Variants in HINFP observed in about 807,000 individuals in gnomAD.
HINFP encodes MBD2 (methyl-CpG-binding protein)-interacting zinc finger protein.
In HINFP, 20 loss-of-function variants were observed where a neutral mutation model predicts 50.1. The ratio of observed to expected loss-of-function variants is 0.40; its 90% confidence interval spans 0.28 to 0.58. HINFP has a LOEUF of 0.58. HINFP is among the 20% of genes least tolerant of loss of function. HINFP has a pLI of 0.45. For synonymous variants in HINFP, 247 were observed against 243.7 expected, an observed-to-expected ratio of 1.01 and a Z score of -0.13; for missense variants, 505 against 664.1, an observed-to-expected ratio of 0.76 and a Z score of 2.63.
At chr11:119,132,168 T>G (rs963897743) in intron 5 of HINFP, 186 bp downstream of exon 5, 1 of 653,348 alleles carries the variant, frequency 1.5e-6, no homozygotes, top group African/African-American at 1.8e-5. Context: ...CAGTACTTAC[T>G]GTACCTCGTA....
intron 6 of HINFP, 38 bp downstream of exon 6, chr11:119,132,611 C>T: frequency 2.5e-6 from 4 of 1,614,098 alleles, no homozygotes; most frequent in Non-Finnish European, 3.4e-6. Flanking sequence ...CTCCTGCCCT[C>T]CAAGGTTCCA....
At chr11:119,133,303 G>T in intron 9 of HINFP, 84 bp downstream of exon 9, 4 of 1,545,058 alleles carry the variant, frequency 2.6e-6, no homozygotes, top group Non-Finnish European at 3.5e-6. Flanking sequence ...AATTTGGGTC[G>T]GGCGCGGTGG....
At position 119,131,912 on chromosome 11, in the gene HINFP, C is replaced by A. The variant is rs1947782607; in HGVS notation, c.606C>A (p.Pro202=). The A allele has an allele frequency of 1.2e-6, 2 of 1,614,208 alleles. No individual in the cohort carries two copies. Among genetic ancestry groups the A allele is most frequent in the African/African-American group, 1.3e-5 (1 of 75,052 alleles). The change falls in exon 5 of 10, where the codon CCC becomes CCA. Residue 202 remains proline (P), a synonymous_variant. Coordinates refer to ENST00000350777, the MANE Select transcript of HINFP (RefSeq NM_198971.3). The surrounding 1 kb of genome is among the most constrained non-coding windows in gnomAD (Gnocchi z 4.2). ...CCCAGGAGAAAGTGGTAGCCTGCCC[C>A]ACCTGTGGGGGCATGTTTGCCAACA... ...SHTQEKVVAC[P]TCGGMFANNT... is the part of the protein sequence containing the mutation.
At chr11:119,128,032 T>C (rs903825386) in intron 2 of HINFP, among the ~76,000 whole-genome samples, 3 of 152,040 alleles carry the variant, frequency 2.0e-5, no homozygotes, top group Non-Finnish European at 4.4e-5. Flanking sequence ...TTTTGTACTT[T>C]TAGTAGAGAT....
At chr11:119,127,428 T>TA (rs397831614) in intron 2 of HINFP, 42 of 200,278 alleles carry the variant, frequency 2.1e-4, no homozygotes, top group African/African-American at 7.5e-4. Context: ...TGCTTTTTTT[T>TA]AATCATTCTG....
In HINFP at chr11:119,135,355, CTG is replaced by C. The variant is rs1214201932; in HGVS notation, c.*858_*859del. 6.6e-6 allele frequency: 1 copy of C among 152,162 alleles called. No homozygotes were observed. Among genetic ancestry groups the C allele is most frequent in the Non-Finnish European group, 1.5e-5 (1 of 68,090 alleles). 9.4% of individuals were successfully genotyped at this position (152,162 alleles called of 1,614,324 possible). On this transcript the variant is annotated 3_prime_UTR_variant, in exon 10 of 10. Transcript: ENST00000350777. ...TAGGGCAGCTGACCATGGCCTCACT[CTG>C]AATACTGATTAGAACCCAGTGCCTC...
rs752515252 is a variant in HINFP at position 119,134,453 on chromosome 11, A to G, written c.1509A>G (p.Glu503=). ...AGCCACCTTCAGGGGGCATCATGGA[A>G]AAGCTTCAAGGAATAGCTGAGGAGC... The part of the protein sequence containing the change: ...APEPPSGGIM[E]KLQGIAEEPE... Residue 503 remains glutamate (E), a synonymous_variant, in exon 10 of 10, where the codon GAA becomes GAG. Transcript: ENST00000350777. This position sits in a 1 kb window ranked among gnomAD's most constrained non-coding sequence, Gnocchi z 4.3. The G allele has an allele frequency of 7.4e-6, 12 of 1,613,024 alleles. No homozygotes were observed. The highest frequency in any genetic ancestry group is 1.0e-5 in the Non-Finnish European group (12 of 1,179,230).
At chr11:119,127,616 T>A (rs1391408346) in intron 2 of HINFP, among the ~76,000 whole-genome samples, 1 of 151,794 alleles carries the variant, frequency 6.6e-6, no homozygotes, top group Non-Finnish European at 1.5e-5. Flanking sequence ...TGATCATAGC[T>A]CACTGCAGCC....
In HINFP at chr11:119,130,717, T is replaced by C. The variant is rs756860301; in HGVS notation, c.182-8T>C. 15 of 1,613,312 alleles carry C rather than the reference T, an allele frequency of 9.3e-6. No individual in the cohort carries two copies. The highest frequency in any genetic ancestry group is 1.3e-5 in the Non-Finnish European group (15 of 1,179,364). ...GTCAGACTCTTCCTTTTAAACCCCT[T>C]TCTACAGAGGAAGAATTCTCCTGCT... On this transcript the variant is annotated splice_polypyrimidine_tract_variant and splice_region_variant and intron_variant, in intron 2 of 9. Transcript: ENST00000350777.
intron 2 of HINFP, among the ~76,000 whole-genome samples, chr11:119,128,141 C>T (rs982429654): frequency 2.0e-5 from 3 of 152,020 alleles, no homozygotes; most frequent in African/African-American, 7.2e-5. Context: ...CGTGAGCCAC[C>T]GCACCTGGCC....
intron 5 of HINFP, chr11:119,132,282 TG>T: frequency 1.6e-6 from 1 of 623,516 alleles, no homozygotes; most frequent in Non-Finnish European, 2.8e-6. Flanking sequence ...ATCACTTACC[TG>T]AGATCACACA....
chr11:119,127,656 A>G (rs545573967), intron 2 of HINFP, among the ~76,000 whole-genome samples: 24 of 150,550 alleles, frequency 1.6e-4, no homozygotes, highest in African/African-American at 4.6e-4. Flanking sequence ...TCCTGCCTCA[A>G]CCTCCCGAGT....
Position 119,135,443 on chromosome 11 carries a change from AG to A in HINFP, c.*946del, listed in dbSNP as rs902672990. 1 of 152,202 alleles carries A rather than the reference AG, an allele frequency of 6.6e-6. No individual in the cohort carries two copies. Among genetic ancestry groups the A allele is most frequent in the African/African-American group, 2.4e-5 (1 of 41,428 alleles). 9.4% of individuals were successfully genotyped at this position (152,202 alleles called of 1,614,324 possible). On this transcript the variant is annotated 3_prime_UTR_variant, in exon 10 of 10. Transcript: ENST00000350777. ...AGCTGGGGGGTGGAGAGGATTGGGA[AG>A]CCTCCCAGGGAAGGGAGGCAATCAA...
chr11:119,128,408 C>T (rs1330134749), intron 2 of HINFP, among the ~76,000 whole-genome samples: 2 of 151,940 alleles, frequency 1.3e-5, no homozygotes, highest in East Asian at 1.9e-4. Context: ...TCGGTTCAAG[C>T]GATTCTTCTG....
At position 119,135,221 on chromosome 11, in the gene HINFP, C is replaced by G. The variant is rs1286951881; in HGVS notation, c.*723C>G. The stretch of plus-strand genomic sequence containing the variant: ...TCTTCTCCTCCTCCCCTTGGTGAAA[C>G]TTCGCTATTCTCAGAGCGTATGCCA... On this transcript the variant is annotated 3_prime_UTR_variant, in exon 10 of 10. Transcript: ENST00000350777. The G allele has an allele frequency of 2.0e-5, 3 of 152,272 alleles. No homozygotes were observed. The highest frequency in any genetic ancestry group is 2.0e-4 in the Admixed American group (3 of 15,286). 9.4% of individuals were successfully genotyped at this position (152,272 alleles called of 1,614,324 possible). A position where few individuals can be genotyped will look rare whatever the true frequency, so the allele number is the denominator to read the frequency against.
chr11:119,128,407 G>T (rs758311541), intron 2 of HINFP, among the ~76,000 whole-genome samples: 33 of 152,058 alleles, frequency 2.2e-4, no homozygotes, highest in Non-Finnish European at 4.9e-4. Flanking sequence ...CTCGGTTCAA[G>T]CGATTCTTCT....
At chr11:119,127,420 CT>C (rs11414972) in intron 2 of HINFP, 3 of 170,234 alleles carry the variant, frequency 1.8e-5, no homozygotes, top group South Asian at 2.1e-4. Flanking sequence ...GATGAATGTG[CT>C]TTTTTTTAAT....
chr11:119,129,046 T>A (rs1781108161), intron 2 of HINFP, among the ~76,000 whole-genome samples: 1 of 151,786 alleles, frequency 6.6e-6, no homozygotes, highest in South Asian at 2.1e-4. Flanking sequence ...AAAAAAAAAC[T>A]TTTTTTCAGA....
At position 119,132,877 on chromosome 11, in the gene HINFP, A is replaced by G. The variant is rs761583730; in HGVS notation, c.889A>G (p.Ile297Val). Reference sequence around the variant, plus strand: ...TTCTCATGGCAGCTGCAAGAATCTTATTGACCTCCAGAAGCACCTGGATAC... The same window carrying G: ...TTCTCATGGCAGCTGCAAGAATCTTGTTGACCTCCAGAAGCACCTGGATAC... ...DCCDYSCKNL[I>V]DLQKHLDTHS... Residue 297 changes from isoleucine to valine, a missense_variant, in exon 8 of 10, where the codon ATT becomes GTT. Transcript: ENST00000350777. 8 of 1,614,170 alleles carry G rather than the reference A, an allele frequency of 5.0e-6. No individual in the cohort carries two copies. Among genetic ancestry groups the G allele is most frequent in the Non-Finnish European group, 6.8e-6 (8 of 1,180,030 alleles).
Sources: allele counts gnomAD v4.1 joint callset (sites outside exome capture counted in the v4.1 genomes callset), GRCh38; gene constraint gnomAD v4.1.1; non-coding constraint Gnocchi (gnomAD v3.1); transcripts MANE v1.5; gene names NCBI Gene and HGNC (gene_info 2026-07-23, HGNC 2026-07-21).